CNTN5: variants seen among roughly 807,000 people sequenced by gnomAD.
The protein encoded by CNTN5 is contactin 5.
A neutral mutation model predicts 129.1 loss-of-function variants in CNTN5; 77 were observed. That is an observed-to-expected ratio of 0.60 (90% CI 0.50 to 0.72). CNTN5 has a LOEUF of 0.72. Ranked by LOEUF, CNTN5 falls within the 30% of genes least tolerant of loss-of-function variation. CNTN5 has a pLI of 0.00. For missense variants in CNTN5, 1,478 were observed against 1,328.8 expected, an observed-to-expected ratio of 1.11 and a Z score of -1.75; for synonymous variants, 509 against 465.6, an observed-to-expected ratio of 1.09 and a Z score of -1.20.
intron 9 of CNTN5, among the ~76,000 whole-genome samples, chr11:100,021,924 C>T (rs1242987940): frequency 6.6e-6 from 1 of 152,144 alleles, no homozygotes; most frequent in Non-Finnish European, 1.5e-5. Flanking sequence ...AAGCAACCAG[C>T]ACAGGAGAAA....
At chr11:99,789,871 A>G (rs960567867) in intron 3 of CNTN5, among the ~76,000 whole-genome samples, 3 of 152,030 alleles carry the variant, frequency 2.0e-5, no homozygotes, top group African/African-American at 7.2e-5. Context: ...TGATCCCATC[A>G]TCCAGGTAGT....
intron 9 of CNTN5, among the ~76,000 whole-genome samples, chr11:100,046,346 C>G (rs867078983): frequency 6.6e-6 from 1 of 152,146 alleles, no homozygotes; most frequent in Admixed American, 6.5e-5. Context: ...ATGATATTCT[C>G]CAATCCCATC....
intron 1 of CNTN5, among the ~76,000 whole-genome samples, chr11:99,110,218 T>C (rs1220488328): frequency 2.0e-5 from 3 of 151,932 alleles, no homozygotes; most frequent in Non-Finnish European, 2.9e-5. Context: ...AATACTCAAA[T>C]ATAAAGACAG....
intron 4 of CNTN5, among the ~76,000 whole-genome samples, chr11:99,842,124 A>G (rs1426344608): frequency 6.6e-6 from 1 of 151,894 alleles, no homozygotes; most frequent in Non-Finnish European, 1.5e-5. Flanking sequence ...CAAACTACTG[A>G]CCTCAGATGA....
At chr11:100,245,373 GAAC>G (rs1407438027) in intron 16 of CNTN5, among the ~76,000 whole-genome samples, 1 of 152,040 alleles carries the variant, frequency 6.6e-6, no homozygotes, top group Admixed American at 6.6e-5. Flanking sequence ...GCTTACTCCT[GAAC>G]AAGTCTCTGT....
At chr11:99,374,961 G>A (rs547039800) in intron 2 of CNTN5, among the ~76,000 whole-genome samples, 1 of 152,230 alleles carries the variant, frequency 6.6e-6, no homozygotes, top group East Asian at 1.9e-4. Flanking sequence ...TTGTTTTCAG[G>A]CTGGAAAAGT....
chr11:99,930,796 A>AC (rs1950174060), intron 7 of CNTN5, among the ~76,000 whole-genome samples: 1 of 149,456 alleles, frequency 6.7e-6, no homozygotes, highest in African/African-American at 2.5e-5. Flanking sequence ...CATACACACA[A>AC]ACACACACAC....
intron 6 of CNTN5, among the ~76,000 whole-genome samples, chr11:99,899,325 C>T (rs1323813931): frequency 2.0e-5 from 3 of 151,930 alleles, no homozygotes; most frequent in Admixed American, 2.0e-4. Context: ...AAAATGGTTT[C>T]AACTTTTCCC....
chr11:99,765,093 A>G (rs1394237651), intron 3 of CNTN5, among the ~76,000 whole-genome samples: 2 of 152,060 alleles, frequency 1.3e-5, no homozygotes, highest in Admixed American at 6.6e-5. Flanking sequence ...ATGGAAGATA[A>G]TGGTGTGAAT....
chr11:100,023,490 C>T (rs925911705), intron 9 of CNTN5, among the ~76,000 whole-genome samples: 2 of 152,206 alleles, frequency 1.3e-5, no homozygotes, highest in African/African-American at 4.8e-5. Flanking sequence ...ACAACTGAGA[C>T]ACCTACAGTG....
At chr11:99,531,791 A>C (rs908091139) in intron 2 of CNTN5, among the ~76,000 whole-genome samples, 1 of 152,234 alleles carries the variant, frequency 6.6e-6, no homozygotes, top group Non-Finnish European at 1.5e-5. Flanking sequence ...ACTAGAAGTC[A>C]AGAATTCAGG....
chr11:100,086,267 AAAG>A (rs1944550228), intron 13 of CNTN5, among the ~76,000 whole-genome samples: 1 of 150,906 alleles, frequency 6.6e-6, no homozygotes, highest in African/African-American at 2.4e-5. Flanking sequence ...ACCAAAGAGA[AAAG>A]AATTAAAGTT....
At chr11:99,484,413 C>T (rs1483003378) in intron 2 of CNTN5, among the ~76,000 whole-genome samples, 1 of 152,104 alleles carries the variant, frequency 6.6e-6, no homozygotes, top group Admixed American at 6.6e-5. Context: ...GAAGGAAACT[C>T]TCATACACTG....
chr11:99,166,272 C>T (rs140194662), intron 1 of CNTN5, among the ~76,000 whole-genome samples: 1,707 of 151,904 alleles, frequency 0.011, 39 homozygotes, highest in African/African-American at 0.039. Context: ...CATGGTGGCA[C>T]GCACCTGTAG....
chr11:100,266,655 G>T (rs1479436347), intron 17 of CNTN5, among the ~76,000 whole-genome samples: 5 of 130,906 alleles, frequency 3.8e-5, no homozygotes, highest in African/African-American at 8.6e-5. Context: ...TCACTTTAAA[G>T]AGAGGAATGA....
intron 3 of CNTN5, among the ~76,000 whole-genome samples, chr11:99,635,273 C>G (rs565863812): frequency 3.9e-5 from 6 of 152,096 alleles, no homozygotes; most frequent in Non-Finnish European, 4.4e-5. Flanking sequence ...CTTGGGAGAT[C>G]AGCACACCCT....
chr11:99,631,431 CAAT>C (rs1951344763), intron 3 of CNTN5, among the ~76,000 whole-genome samples: 2 of 151,664 alleles, frequency 1.3e-5, no homozygotes, highest in Admixed American at 6.6e-5. Flanking sequence ...AGAACGAAAT[CAAT>C]AATAATATAA....
chr11:99,831,893 T>C (rs1380494470), intron 4 of CNTN5, among the ~76,000 whole-genome samples: 1 of 152,178 alleles, frequency 6.6e-6, no homozygotes, highest in East Asian at 1.9e-4. Flanking sequence ...TGGTGGACAT[T>C]GAGTTCTTCA....
chr11:99,906,533 C>T (rs1949511577), intron 6 of CNTN5, among the ~76,000 whole-genome samples: 1 of 152,110 alleles, frequency 6.6e-6, no homozygotes, highest in Non-Finnish European at 1.5e-5. Context: ...TGATGTGCTG[C>T]TGGATTTGGT....
Sources: gnomAD v4.1 joint callset for allele counts (sites outside exome capture counted in the v4.1 genomes callset) on GRCh38, gnomAD v4.1.1 for gene constraint, MANE v1.5 for transcripts, NCBI Gene and HGNC (gene_info 2026-07-23, HGNC 2026-07-21) for gene names.